DGAT2L6: variants seen among roughly 807,000 people sequenced by gnomAD.
The protein encoded by DGAT2L6 is diacylglycerol O-acyltransferase 2-like protein 6.
A neutral mutation model predicts 25.5 loss-of-function variants in DGAT2L6; 22 were observed. The ratio of observed to expected loss-of-function variants is 0.86; its 90% confidence interval spans 0.62 to 1.23. The LOEUF is 1.23. DGAT2L6 is among the 50% of genes most tolerant of loss of function. DGAT2L6 has a pLI of 0.00. For missense variants in DGAT2L6, 287 were observed against 253.2 expected (o/e 1.13, Z -0.91); for synonymous variants, 100 against 94.7 (o/e 1.06, Z -0.32).
chrX:70,178,886 T>C (rs2085334830), intron 1 of DGAT2L6, among the ~76,000 whole-genome samples: 1 of 112,539 alleles, frequency 8.9e-6, no homozygotes, highest in Non-Finnish European at 1.9e-5. Context: ...TTTCATATTA[T>C]AGTTGTTGCA....
Position 70,204,380 on chromosome X carries a change from G to A in DGAT2L6, c.723G>A (p.Trp241Ter). The change falls in exon 6 of 7, where the codon TGG becomes TGA. Residue 241 changes from tryptophan to a stop codon, truncating the protein, a stop_gained. Coordinates refer to ENST00000333026, the MANE Select transcript of DGAT2L6 (RefSeq NM_198512.3). LOFTEE classifies it high-confidence loss of function. Reference sequence around the variant, plus strand: ...AGGAGACCTTCCCTGAGGGCACGTGGTTAAGGTTGTTCCAAAAAACCTTCC... The same window carrying A: ...AGGAGACCTTCCCTGAGGGCACGTGATTAAGGTTGTTCCAAAAAACCTTCC... ...FNQETFPEGT[W>*]LRLFQKTFQD... 1 of 1,211,004 alleles carries A rather than the reference G, an allele frequency of 8.3e-7. No homozygotes were observed. Among genetic ancestry groups the A allele is most frequent in the Non-Finnish European group, 1.1e-6 (1 of 895,246 alleles).
At chrX:70,193,874 C>A (rs756831407) in intron 1 of DGAT2L6, among the ~76,000 whole-genome samples, 1 of 111,776 alleles carries the variant, frequency 8.9e-6, no homozygotes, top group Non-Finnish European at 1.9e-5. Flanking sequence ...TTCTATTCAA[C>A]ACAGTACTGG....
chrX:70,187,009 T>C lies in DGAT2L6; in HGVS notation c.85+9342T>C, dbSNP rs546318318. Among the ~76,000 whole-genome samples the C allele has an allele frequency of 4.5e-5, 5 of 111,859 alleles. No individual in the cohort carries two copies. In the South Asian group the frequency reaches 1.9e-3, roughly 42 times the overall value. On this transcript the variant is annotated intron_variant, in intron 1 of 6. Coordinates refer to ENST00000333026, the MANE Select transcript of DGAT2L6 (RefSeq NM_198512.3). ...CAAACAACATTATGTGATTGTGCTT[T>C]TTAAAAATTTCTGGCAGAGGTGTGG...
At chrX:70,204,842 G>C (rs1160288215) in intron 6 of DGAT2L6, 110 bp from the exon 7 acceptor site, 1 of 901,737 alleles carries the variant, frequency 1.1e-6, no homozygotes, top group East Asian at 3.4e-5. Context: ...AAGAAAGAAA[G>C]AAGGGGAGGA....
At position 70,202,064 on chromosome X, in the gene DGAT2L6, G is replaced by C; in HGVS notation, c.647G>C (p.Gly216Ala). 8.4e-7 allele frequency: 1 copy of C among 1,183,805 alleles called. No individual in the cohort carries two copies. The highest frequency in any genetic ancestry group is 1.1e-6 in the Non-Finnish European group (1 of 881,879). ...TTTGTGAAGATGGCACTGCAAACAGGGTGGGTTCCAAGGTTCTAGTGCTCT... is the reference window on the plus strand; with the variant it reads ...TTTGTGAAGATGGCACTGCAAACAGCGTGGGTTCCAAGGTTCTAGTGCTCT... ...KGFVKMALQT[G>A]AYLVPSYSFG... is the part of the protein sequence containing the mutation. The change falls in exon 5 of 7, where the codon GGG becomes GCG. Residue 216 changes from glycine to alanine, a missense_variant and splice_region_variant. Gly to Ala is a moderately conservative substitution (Grantham distance 60, BLOSUM62 0). Coordinates refer to ENST00000333026, the MANE Select transcript of DGAT2L6 (RefSeq NM_198512.3).
chrX:70,183,266 G>T (rs2085349403), intron 1 of DGAT2L6, among the ~76,000 whole-genome samples: 1 of 112,085 alleles, frequency 8.9e-6, no homozygotes, highest in Non-Finnish European at 1.9e-5. Flanking sequence ...TTGCGTTCCA[G>T]GCAATCTATT....
Position 70,204,394 on chromosome X carries a change from A to G in DGAT2L6, c.737A>G (p.Gln246Arg), listed in dbSNP as rs1423218774. 1 of 1,211,345 alleles carries G rather than the reference A, an allele frequency of 8.3e-7. No homozygotes were observed. Among genetic ancestry groups the G allele is most frequent in the Non-Finnish European group, 1.1e-6 (1 of 895,221 alleles). ...GAGGGCACGTGGTTAAGGTTGTTCC[A>G]AAAAACCTTCCAGGACACATTCAAA... ...FPEGTWLRLFQKTFQDTFKKI... is the reference protein window; with the variant it reads ...FPEGTWLRLFRKTFQDTFKKI... Residue 246 changes from glutamine (Q) to arginine (R), a missense_variant, in exon 6 of 7, where the codon CAA becomes CGA. Coordinates refer to ENST00000333026, the MANE Select transcript of DGAT2L6 (RefSeq NM_198512.3).
chrX:70,185,957 C>A (rs1289171244), intron 1 of DGAT2L6, among the ~76,000 whole-genome samples: 1 of 108,828 alleles, frequency 9.2e-6, no homozygotes, highest in East Asian at 2.9e-4. Context: ...AGATTTAGGT[C>A]ATTGCCCCGA....
intron 1 of DGAT2L6, among the ~76,000 whole-genome samples, chrX:70,182,602 C>T (rs1332922187): frequency 9.5e-6 from 1 of 105,564 alleles, no homozygotes; most frequent in Non-Finnish European, 1.9e-5. Flanking sequence ...GCCTCAGCCT[C>T]CTGAGTAGCT....
At chrX:70,178,334 ACATCT>A (rs1183380803) in intron 1 of DGAT2L6, among the ~76,000 whole-genome samples, 1 of 110,647 alleles carries the variant, frequency 9.0e-6, no homozygotes, top group East Asian at 2.8e-4. Flanking sequence ...TGCCTGAGTG[ACATCT>A]CAGACAGAAT....
chrX:70,178,410 C>G (rs1394419682), intron 1 of DGAT2L6, among the ~76,000 whole-genome samples: 1 of 111,201 alleles, frequency 9.0e-6, no homozygotes, highest in East Asian at 2.8e-4. Flanking sequence ...TGTTGGGCCT[C>G]TCCCACCCAA....
At chrX:70,188,530 C>A (rs759992863) in intron 1 of DGAT2L6, among the ~76,000 whole-genome samples, 4 of 111,095 alleles carry the variant, frequency 3.6e-5, no homozygotes, top group Non-Finnish European at 5.7e-5. Context: ...GTTTCAACAG[C>A]AAATTCTACA....
intron 4 of DGAT2L6, among the ~76,000 whole-genome samples, chrX:70,201,390 TG>T (rs1031641966): frequency 3.6e-5 from 4 of 112,042 alleles, no homozygotes; most frequent in Non-Finnish European, 5.6e-5. Flanking sequence ...CGTTTCAGTT[TG>T]GCTTGGTCAG....
At chrX:70,203,534 G>C (rs893335262) in intron 5 of DGAT2L6, among the ~76,000 whole-genome samples, 1 of 111,653 alleles carries the variant, frequency 9.0e-6, no homozygotes, top group African/African-American at 3.3e-5. Context: ...GAGGACCTAT[G>C]GCATGTCAAG....
chrX:70,199,625 G>A lies in DGAT2L6; in HGVS notation c.197-187G>A, dbSNP rs191060331. On this transcript the variant is annotated intron_variant, in intron 2 of 6. Transcript: ENST00000333026. ...CTATTTTCCTGTCACCTTTCTGGTC[G>A]GCTCTAGAGGAGCAGGGGCTTCCTA... Among the ~76,000 whole-genome samples the A allele has an allele frequency of 7.1e-3, 786 of 111,422 alleles. 13 individuals are homozygous for A. Among genetic ancestry groups the A allele is most frequent in the Non-Finnish European group, 4.0e-3 (211 of 52,979 alleles).
At chrX:70,187,328 G>A (rs1205117495) in intron 1 of DGAT2L6, among the ~76,000 whole-genome samples, 2 of 110,301 alleles carry the variant, frequency 1.8e-5, no homozygotes, top group Admixed American at 1.9e-4. Context: ...CAGGCAAAGG[G>A]GACCGCAGGC....
chrX:70,202,862 A>G (rs1178549880), intron 5 of DGAT2L6, among the ~76,000 whole-genome samples: 1 of 111,642 alleles, frequency 9.0e-6, no homozygotes, highest in African/African-American at 3.3e-5. Context: ...AGTAAAAGCC[A>G]AAGTCTTTAT....
Position 70,201,958 on chromosome X carries a change from G to C in DGAT2L6, c.541G>C (p.Val181Leu), listed in dbSNP as rs371876539. The C allele has an allele frequency of 9.1e-6, 11 of 1,208,079 alleles. No individual in the cohort carries two copies. The African/African-American group carries it at 1.9e-4, about 21-fold the overall frequency. Residue 181 changes from valine to leucine, a missense_variant, in exon 5 of 7, where the codon GTT becomes CTT. By Grantham distance (32) the Val-to-Leu change is conservative. Coordinates refer to ENST00000333026, the MANE Select transcript of DGAT2L6 (RefSeq NM_198512.3). Reference sequence around the variant, plus strand: ...CCAGAAAGGCTCAGGCAATGCCGTGGTTATTGTGGTGGGTGGAGCTGCTGA... The same window carrying C: ...CCAGAAAGGCTCAGGCAATGCCGTGCTTATTGTGGTGGGTGGAGCTGCTGA... ...LTQKGSGNAV[V>L]IVVGGAAEAL...
intron 1 of DGAT2L6, among the ~76,000 whole-genome samples, chrX:70,192,418 T>C (rs1739411416): frequency 8.9e-6 from 1 of 112,190 alleles, no homozygotes; most frequent in African/African-American, 3.2e-5. Context: ...CTGGTAAAGG[T>C]AAATATATCA....
Sources: gnomAD v4.1 joint callset for allele counts (sites outside exome capture counted in the v4.1 genomes callset) on GRCh38, gnomAD v4.1.1 for gene constraint, MANE v1.5 for transcripts, NCBI Gene and HGNC (gene_info 2026-07-23, HGNC 2026-07-21) for gene names.